TTC3: variants seen among roughly 807,000 people sequenced by gnomAD.
The protein encoded by TTC3 is E3 ubiquitin-protein ligase TTC3.
Under a neutral mutation model 249.6 loss-of-function variants are expected in TTC3, and 180 were observed. That is an observed-to-expected ratio of 0.72 (90% CI 0.64 to 0.82). The LOEUF (loss-of-function observed/expected upper bound fraction) is 0.82. Among genes scored for constraint, TTC3 ranks in the 40% least tolerant of loss-of-function variants. The pLI is 0.00. For missense variants in TTC3, 2,061 were observed against 2,398.4 expected (o/e 0.86, Z 2.94); for synonymous variants, 717 against 805.0 (o/e 0.89, Z 1.85).
intron 16 of TTC3, among the ~76,000 whole-genome samples, chr21:37,132,374 A>G (rs1316236583): frequency 2.0e-5 from 3 of 149,164 alleles, no homozygotes; most frequent in Non-Finnish European, 3.0e-5. Flanking sequence ...TCTGTCGCCC[A>G]GGCTGGAGTG....
At chr21:37,101,220 T>C (rs1196622824) in intron 10 of TTC3, 2 of 152,242 alleles carry the variant, frequency 1.3e-5, no homozygotes, top group South Asian at 4.1e-4. Context: ...TTCCATCAGA[T>C]CCCAACTGTG....
At chr21:37,182,693 C>A in intron 35 of TTC3, 81 bp from the exon 36 acceptor site, 1 of 1,350,152 alleles carries the variant, frequency 7.4e-7, no homozygotes, top group East Asian at 2.7e-5. Flanking sequence ...GCTATGGCAC[C>A]GTCACAATTC....
intron 37 of TTC3, 54 bp from the exon 38 acceptor site, chr21:37,186,995 T>C: frequency 2.6e-6 from 3 of 1,133,578 alleles, no homozygotes; most frequent in Middle Eastern, 2.9e-4. Context: ...ACCTTTGTCA[T>C]CTCACTGTGA....
intron 15 of TTC3, among the ~76,000 whole-genome samples, 194 bp downstream of exon 15, chr21:37,126,337 A>G (rs1420211880): frequency 6.6e-6 from 1 of 152,220 alleles, no homozygotes; most frequent in African/African-American, 2.4e-5. Flanking sequence ...TAGTGAATGT[A>G]ATTTTGGAAA....
Position 37,132,907 on chromosome 21 carries a change from G to A in TTC3, c.1443+141G>A, listed in dbSNP as rs2077596114. ...TATATTGTAGTTTTGTAGAGATGGG[G>A]TCTCACTGTGTTGTCCAGGTTGGTT... On this transcript the variant is annotated intron_variant, in intron 17 of 45. Coordinates refer to ENST00000355666, the Ensembl canonical transcript of TTC3. The A allele has an allele frequency of 7.1e-6, 4 of 563,938 alleles. No individual in the cohort carries two copies. In the Admixed American group the frequency reaches 1.6e-4, roughly 23 times the overall value. The allele number at this position is 563,938 out of a possible 1,614,324, so 34.9% of individuals were successfully genotyped here.
chr21:37,152,630 G>A (rs976292414), intron 26 of TTC3, among the ~76,000 whole-genome samples: 4 of 151,908 alleles, frequency 2.6e-5, no homozygotes, highest in Admixed American at 6.6e-5. Context: ...CACCCTCCTC[G>A]GCCTCCCAAA....
At chr21:37,086,338 A>G (rs1479850250) in intron 1 of TTC3, 2 of 152,284 alleles carry the variant, frequency 1.3e-5, no homozygotes, top group East Asian at 1.9e-4. Context: ...AAGCCATTAT[A>G]TGGGCAAGAG....
At chr21:37,176,069 G>A (rs545141098) in intron 35 of TTC3, among the ~76,000 whole-genome samples, 4 of 152,150 alleles carry the variant, frequency 2.6e-5, no homozygotes, top group African/African-American at 9.6e-5. Context: ...CAAAAGGCAC[G>A]TGAGGCACCG....
chr21:37,083,268 G>A, intron 1 of TTC3: 2 of 985,434 alleles, frequency 2.0e-6, no homozygotes, highest in Non-Finnish European at 2.4e-6. Context: ...GTTGTGGAGT[G>A]ACTGGGGATA....
chr21:37,137,489 A>G (rs929790894), intron 18 of TTC3, among the ~76,000 whole-genome samples: 4 of 152,330 alleles, frequency 2.6e-5, no homozygotes, highest in African/African-American at 9.6e-5. Context: ...AACAAGCAAG[A>G]GAATTAGAAG....
chr21:37,078,073 T>A (rs1290745047), intron 1 of TTC3, among the ~76,000 whole-genome samples: 1 of 152,174 alleles, frequency 6.6e-6, no homozygotes, highest in African/African-American at 2.4e-5. Flanking sequence ...GTGGTTCTAA[T>A]TATCCCTGTA....
chr21:37,137,886 C>A (rs1453761422), intron 18 of TTC3, among the ~76,000 whole-genome samples: 3 of 152,136 alleles, frequency 2.0e-5, no homozygotes, highest in African/African-American at 7.2e-5. Flanking sequence ...CAAGGCAAGA[C>A]CATCCACCAA....
intron 11 of TTC3, among the ~76,000 whole-genome samples, chr21:37,114,996 C>A (rs1328650158): frequency 1.4e-4 from 22 of 151,728 alleles, no homozygotes; most frequent in Admixed American, 1.4e-3. Context: ...AGCACATGGA[C>A]ACAGGAAGGG....
chr21:37,096,619 G>C (rs768583150), exon 10 of TTC3: 5 of 1,612,272 alleles, frequency 3.1e-6, no homozygotes, highest in African/African-American at 1.3e-5. Context: ...CGAGCTCTTT[G>C]TTTTCTTCGT....
intron 1 of TTC3, among the ~76,000 whole-genome samples, chr21:37,077,639 G>C (rs1006737983): frequency 6.6e-6 from 1 of 152,232 alleles, no homozygotes; most frequent in African/African-American, 2.4e-5. Flanking sequence ...GAATGGGTAT[G>C]AAATGATGCA....
At chr21:37,146,555 TG>T (rs2078999989) in intron 21 of TTC3, among the ~76,000 whole-genome samples, 1 of 151,744 alleles carries the variant, frequency 6.6e-6, no homozygotes, top group South Asian at 2.1e-4. Flanking sequence ...TGCTGCAGCA[TG>T]GATGGACCTT....
At chr21:37,160,670 G>A (rs541329921) in intron 29 of TTC3, 132 bp from the exon 30 acceptor site, 27 of 872,312 alleles carry the variant, frequency 3.1e-5, no homozygotes, top group Admixed American at 5.5e-5. Context: ...ATACACTGTA[G>A]TGTTATTTTT....
At chr21:37,195,524 A>T (rs1007863677) in intron 41 of TTC3, 151 bp from the exon 42 acceptor site, 4 of 1,149,742 alleles carry the variant, frequency 3.5e-6, no homozygotes, top group Non-Finnish European at 4.9e-6. Context: ...AATTCTTTTA[A>T]AACGAAAATA....
chr21:37,109,168 A>T (rs181715334), intron 11 of TTC3, among the ~76,000 whole-genome samples: 4 of 152,142 alleles, frequency 2.6e-5, no homozygotes, highest in Non-Finnish European at 4.4e-5. Flanking sequence ...TGCATTTCCA[A>T]CTGAGGTACT....
Sources: gnomAD v4.1 joint callset for allele counts (sites outside exome capture counted in the v4.1 genomes callset) on GRCh38, gnomAD v4.1.1 for gene constraint, MANE v1.5 for transcripts, NCBI Gene and HGNC (gene_info 2026-07-23, HGNC 2026-07-21) for gene names.